CLNK: variants seen among roughly 807,000 people sequenced by gnomAD.
CLNK encodes cytokine dependent hematopoietic cell linker, also known as cytokine-dependent hematopoietic cell linker.
In CLNK, 74 loss-of-function variants were observed where a neutral mutation model predicts 68.6. The ratio of observed to expected loss-of-function variants is 1.08; its 90% CI spans 0.89 to 1.31. The LOEUF is 1.31. Ranked by LOEUF, CLNK falls within the 50% of genes most tolerant of loss-of-function variation. The pLI, the probability that CLNK is intolerant of heterozygous loss-of-function variation, is 0.00. For synonymous variants in CLNK, 198 were observed against 172.2 expected, an observed-to-expected ratio of 1.15 and a Z score of -1.17; for missense variants, 553 against 515.3, an observed-to-expected ratio of 1.07 and a Z score of -0.71.
At chr4:10,706,987 G>A in the CLNK span, among the ~76,000 whole-genome samples, 2 of 152,078 alleles carry the variant, frequency 1.3e-5, no homozygotes, top group African/African-American at 4.8e-5. Context: ...TCACCACGTT[G>A]GCCAGGCTGT....
chr4:10,689,745 A>ATT (rs71651341), upstream of CLNK, among the ~76,000 whole-genome samples: 28 of 100,078 alleles, frequency 2.8e-4, 2 homozygotes, highest in African/African-American at 4.2e-4. Context: ...AAACCCATGC[A>ATT]TTTTTTTTTT....
chr4:10,566,588 G>A (rs76330841), intron 5 of CLNK, among the ~76,000 whole-genome samples: 36 of 152,252 alleles, frequency 2.4e-4, no homozygotes, highest in Non-Finnish European at 4.3e-4. Flanking sequence ...TCCTCAAGGT[G>A]GCAGGATACA....
At chr4:10,637,744 G>T (rs912297946) in intron 2 of CLNK, among the ~76,000 whole-genome samples, 1 of 148,748 alleles carries the variant, frequency 6.7e-6, no homozygotes, top group South Asian at 2.2e-4. Context: ...ACAGGTGCCC[G>T]CCACCAGGCC....
intron 2 of CLNK, among the ~76,000 whole-genome samples, chr4:10,660,870 T>C (rs1311228322): frequency 1.3e-5 from 2 of 152,270 alleles, no homozygotes; most frequent in Non-Finnish European, 2.9e-5. Flanking sequence ...ATTTCAGCTA[T>C]GTTCCCTCAC....
chr4:10,593,032 A>T (rs1721239020), intron 3 of CLNK, among the ~76,000 whole-genome samples: 1 of 152,066 alleles, frequency 6.6e-6, no homozygotes, highest in African/African-American at 2.4e-5. Flanking sequence ...CAGCCTGAGC[A>T]TCTACGCTGT....
At chr4:10,707,140 G>A in the CLNK span, among the ~76,000 whole-genome samples, 2 of 152,088 alleles carry the variant, frequency 1.3e-5, no homozygotes, top group Non-Finnish European at 2.9e-5. Flanking sequence ...AACCTGGGGT[G>A]TCCAATCTTT....
At chr4:10,530,857 C>T (rs1718505706) in intron 12 of CLNK, among the ~76,000 whole-genome samples, 1 of 152,168 alleles carries the variant, frequency 6.6e-6, no homozygotes, top group African/African-American at 2.4e-5. Flanking sequence ...TTCCAGGTGA[C>T]ACTAAGGAAG....
upstream of CLNK, among the ~76,000 whole-genome samples, chr4:10,686,624 G>A (rs1725283374): frequency 6.7e-6 from 1 of 150,244 alleles, no homozygotes; most frequent in Admixed American, 6.7e-5. Context: ...GCCTCTGCTT[G>A]CATCCTAGAT....
intron 1 of CLNK, among the ~76,000 whole-genome samples, chr4:10,670,765 G>C (rs562200778): frequency 6.6e-6 from 1 of 152,258 alleles, no homozygotes; most frequent in South Asian, 2.1e-4. Context: ...TCAAAAGTTA[G>C]AGTATGTCAT....
At chr4:10,575,865 A>G (rs1336693865) in intron 4 of CLNK, among the ~76,000 whole-genome samples, 1 of 152,224 alleles carries the variant, frequency 6.6e-6, no homozygotes, top group African/African-American at 2.4e-5. Flanking sequence ...TTCCACTAAC[A>G]TTTGTAGTTT....
the CLNK span, among the ~76,000 whole-genome samples, chr4:10,695,528 G>T: frequency 6.6e-6 from 1 of 152,140 alleles, no homozygotes; most frequent in Non-Finnish European, 1.5e-5. Context: ...GCTAAACTCA[G>T]TGGCCCTCTC....
At chr4:10,498,677 C>G (rs976275584) in intron 18 of CLNK, among the ~76,000 whole-genome samples, 36 of 152,230 alleles carry the variant, frequency 2.4e-4, no homozygotes, top group Admixed American at 1.7e-3. Context: ...GAAAATATAA[C>G]TAAAATTTAT....
chr4:10,591,689 C>G (rs141259817), intron 3 of CLNK, among the ~76,000 whole-genome samples: 1 of 152,204 alleles, frequency 6.6e-6, no homozygotes, highest in East Asian at 1.9e-4. Flanking sequence ...GGAAACTACT[C>G]CACGTGTGTG....
chr4:10,694,479 C>T, the CLNK span, among the ~76,000 whole-genome samples: 2 of 152,040 alleles, frequency 1.3e-5, no homozygotes, highest in Non-Finnish European at 2.9e-5. Flanking sequence ...GTACCTTTTT[C>T]ATGTTGGATA....
chr4:10,717,814 A>C, the CLNK span, among the ~76,000 whole-genome samples: 1 of 152,220 alleles, frequency 6.6e-6, no homozygotes, highest in Non-Finnish European at 1.5e-5. Flanking sequence ...GTTTTCAATA[A>C]AAAAGTCATT....
intron 3 of CLNK, among the ~76,000 whole-genome samples, chr4:10,589,590 G>A (rs1721112350): frequency 6.8e-6 from 1 of 146,084 alleles, no homozygotes; most frequent in Admixed American, 6.8e-5. Flanking sequence ...GTGAGCCAGA[G>A]AGCTGCAGAA....
chr4:10,526,211 T>G (rs901198644), intron 13 of CLNK, among the ~76,000 whole-genome samples: 2 of 152,230 alleles, frequency 1.3e-5, no homozygotes, highest in East Asian at 1.9e-4. Flanking sequence ...ATTTAGGGAT[T>G]ATTCTGGACC....
intron 15 of CLNK, among the ~76,000 whole-genome samples, chr4:10,517,838 A>C (rs1417392304): frequency 2.0e-5 from 3 of 152,214 alleles, no homozygotes; most frequent in African/African-American, 7.2e-5. Context: ...ATGACTTAAA[A>C]CAAAACAGAG....
intron 16 of CLNK, among the ~76,000 whole-genome samples, chr4:10,508,835 T>C (rs114262423): frequency 0.19 from 28,786 of 149,124 alleles, 3,029 homozygotes; most frequent in East Asian, 0.36. Flanking sequence ...GGGCTGGGTG[T>C]GGTGGCTCAA....
Sources: gnomAD v4.1 joint callset for allele counts (sites outside exome capture counted in the v4.1 genomes callset) on GRCh38, gnomAD v4.1.1 for gene constraint, MANE v1.5 for transcripts, NCBI Gene and HGNC (gene_info 2026-07-23, HGNC 2026-07-21) for gene names.